The following WIF1 variants were observed in gnomAD, a reference collection of about 807,000 sequenced individuals.
WIF1 encodes Wnt inhibitory factor 1.
A neutral mutation model predicts 53.5 loss-of-function variants in WIF1; 35 were observed. That is an observed-to-expected ratio of 0.65 (90% confidence interval 0.50 to 0.87). WIF1 has a LOEUF of 0.87. WIF1 is among the 40% of genes least tolerant of loss of function. WIF1 has a pLI of 0.00. For synonymous variants in WIF1, 171 were observed against 170.4 expected, an observed-to-expected ratio of 1.00 and a Z score of -0.03; for missense variants, 467 against 476.8, an observed-to-expected ratio of 0.98 and a Z score of 0.19.
chr12:65,070,660 A>G (rs1882759208), intron 3 of WIF1, among the ~76,000 whole-genome samples: 1 of 152,148 alleles, frequency 6.6e-6, no homozygotes, highest in South Asian at 2.1e-4. Context: ...GGACGCCATC[A>G]TCCAAACTTA....
intron 2 of WIF1, among the ~76,000 whole-genome samples, chr12:65,101,788 C>T (rs1441457379): frequency 6.6e-6 from 1 of 152,150 alleles, no homozygotes; most frequent in African/African-American, 2.4e-5. Context: ...GGTGTGGGAG[C>T]TGGGCTGGGA....
At chr12:65,067,893 C>A in intron 4 of WIF1, 103 bp from the exon 5 acceptor site, 7 of 929,188 alleles carry the variant, frequency 7.5e-6, no homozygotes, top group Non-Finnish European at 1.1e-5. Context: ...TCTAGCCCAC[C>A]AATTAATCAT....
intron 2 of WIF1, among the ~76,000 whole-genome samples, chr12:65,109,915 T>C (rs1883404861): frequency 6.6e-6 from 1 of 152,182 alleles, no homozygotes; most frequent in African/African-American, 2.4e-5. Flanking sequence ...AGTAATAGGA[T>C]ACACAAAGAG....
At chr12:65,083,155 C>T (rs1882974298) in intron 2 of WIF1, among the ~76,000 whole-genome samples, 1 of 152,038 alleles carries the variant, frequency 6.6e-6, no homozygotes, top group East Asian at 1.9e-4. Context: ...AATTCAGATT[C>T]GCAGATTCAC....
At chr12:65,093,795 A>T (rs1883161279) in intron 2 of WIF1, among the ~76,000 whole-genome samples, 1 of 152,146 alleles carries the variant, frequency 6.6e-6, no homozygotes, top group African/African-American at 2.4e-5. Flanking sequence ...ATGGTCTGGA[A>T]CATCGTTAAC....
At chr12:65,096,011 G>A (rs1883198908) in intron 2 of WIF1, among the ~76,000 whole-genome samples, 1 of 152,256 alleles carries the variant, frequency 6.6e-6, no homozygotes, top group Non-Finnish European at 1.5e-5. Flanking sequence ...AGCCAAAATT[G>A]ACAAATGGGA....
chr12:65,069,183 A>T (rs1232524899), intron 3 of WIF1, among the ~76,000 whole-genome samples: 1 of 152,212 alleles, frequency 6.6e-6, no homozygotes. Context: ...GTACTATCTT[A>T]AATATTTTCC....
At chr12:65,073,637 A>T (rs891650815) in intron 3 of WIF1, among the ~76,000 whole-genome samples, 7 of 152,174 alleles carry the variant, frequency 4.6e-5, no homozygotes, top group African/African-American at 1.7e-4. Context: ...ACAGTTTAGC[A>T]GCTTGGGGGT....
intron 7 of WIF1, among the ~76,000 whole-genome samples, chr12:65,062,107 A>G (rs901820080): frequency 2.0e-5 from 3 of 152,222 alleles, no homozygotes; most frequent in African/African-American, 4.8e-5. Context: ...AAACAGGTAC[A>G]TAGGTAAACA....
At chr12:65,057,066 G>C (rs1322830220) in intron 7 of WIF1, among the ~76,000 whole-genome samples, 1 of 152,194 alleles carries the variant, frequency 6.6e-6, no homozygotes, top group Non-Finnish European at 1.5e-5. Context: ...GTTTATTTGG[G>C]GAAGTGATTG....
chr12:65,108,860 C>T (rs947428651), intron 2 of WIF1, among the ~76,000 whole-genome samples: 35 of 152,116 alleles, frequency 2.3e-4, no homozygotes, highest in African/African-American at 8.5e-4. Context: ...CTAACTTGTC[C>T]CTTCTATTGC....
Position 65,066,591 on chromosome 12 carries a change from CA to C in WIF1, c.730+49del, listed in dbSNP as rs748887570. 16 of 1,494,364 alleles carry C rather than the reference CA, an allele frequency of 1.1e-5. No homozygotes were observed. In the African/African-American group the frequency reaches 2.3e-4, roughly 21 times the overall value. The allele number at this position is 1,494,364 out of a possible 1,614,324, so 92.6% of individuals were successfully genotyped here. ...GACATATAAAGTAACTTATTCTAAT[CA>C]AACATTTTAAAAGTAAAAATAACTT... On this transcript the variant is annotated intron_variant, in intron 6 of 9. Transcript: ENST00000286574.
chr12:65,081,130 T>A (rs7399268), intron 2 of WIF1, among the ~76,000 whole-genome samples: 55,279 of 148,964 alleles, frequency 0.37, 12,566 homozygotes, highest in Middle Eastern at 0.56. Context: ...GTATTTTTTT[T>A]AAAAAGCATT....
At chr12:65,083,896 T>G (rs543710784) in intron 2 of WIF1, 10 of 324,176 alleles carry the variant, frequency 3.1e-5, no homozygotes, top group South Asian at 2.7e-4. Context: ...TGGGATGCAG[T>G]AGCACGATCA....
At chr12:65,063,540 C>T (rs986256105) in intron 6 of WIF1, among the ~76,000 whole-genome samples, 5 of 151,684 alleles carry the variant, frequency 3.3e-5, no homozygotes, top group African/African-American at 4.8e-5. Context: ...AAAAGAAATC[C>T]AAAAGTTCTA....
intron 2 of WIF1, among the ~76,000 whole-genome samples, chr12:65,113,706 C>T (rs1166304230): frequency 3.9e-5 from 6 of 152,128 alleles, no homozygotes; most frequent in Admixed American, 1.3e-4. Context: ...GAAATGGGCT[C>T]TCTGCAGAAT....
chr12:65,121,226 C>T lies in WIF1; in HGVS notation c.-35G>A. On this transcript the variant is annotated 5_prime_UTR_variant, in exon 1 of 10. Transcript: ENST00000286574. ...GACCTCCTCGCTGCCGGGAAAACTC[C>T]TCGTGCCGCACCTACGCAACCTGGC... 1 of 1,419,004 alleles carries T rather than the reference C, an allele frequency of 7.0e-7. No individual in the cohort carries two copies. The highest frequency in any genetic ancestry group is 9.3e-7 in the Non-Finnish European group (1 of 1,076,012). 87.9% of individuals were successfully genotyped at this position (1,419,004 alleles called of 1,614,324 possible). A position where few individuals can be genotyped will look rare whatever the true frequency, so the allele number is the denominator to read the frequency against.
At chr12:65,086,364 G>GTCGA (rs1163259919) in intron 2 of WIF1, among the ~76,000 whole-genome samples, 1 of 152,084 alleles carries the variant, frequency 6.6e-6, no homozygotes, top group African/African-American at 2.4e-5. Context: ...AAAGTCCTGG[G>GTCGA]TCGATGCCAA....
intron 3 of WIF1, among the ~76,000 whole-genome samples, chr12:65,073,530 ATGCCAGAAGG>A (rs373596273): frequency 9.2e-5 from 14 of 152,308 alleles, no homozygotes; most frequent in Non-Finnish European, 5.9e-5. Context: ...TTCTCTTCTG[ATGCCAGAAGG>A]CAGGCACTTC....
Sources: gnomAD v4.1 joint callset for allele counts (sites outside exome capture counted in the v4.1 genomes callset) on GRCh38, gnomAD v4.1.1 for gene constraint, MANE v1.5 for transcripts, NCBI Gene and HGNC (gene_info 2026-07-23, HGNC 2026-07-21) for gene names.